DENND4C: variants seen among roughly 807,000 people sequenced by gnomAD.
DENND4C encodes DENN domain containing 4C.
Under a neutral mutation model 203.0 loss-of-function variants are expected in DENND4C, and 108 were observed. The ratio of observed to expected loss-of-function variants is 0.53; its 90% CI spans 0.46 to 0.62. The LOEUF (loss-of-function observed/expected upper bound fraction) is 0.62, where lower values mean the gene tolerates loss of function less well. DENND4C is among the 20% of genes least tolerant of loss of function. The pLI is 0.00. For synonymous variants in DENND4C, 871 were observed against 792.4 expected (o/e 1.10, Z -1.67); for missense variants, 2,481 against 2,301.2 (o/e 1.08, Z -1.60).
At chr9:19,335,135 G>A in intron 18 of DENND4C, 30 bp downstream of exon 18, 1 of 1,453,972 alleles carries the variant, frequency 6.9e-7, no homozygotes, top group Non-Finnish European at 9.1e-7. Context: ...GGCAAGATGT[G>A]GTGTTTATTA....
At chr9:19,242,903 C>T (rs1208144574) in intron 1 of DENND4C, among the ~76,000 whole-genome samples, 1 of 152,150 alleles carries the variant, frequency 6.6e-6, no homozygotes, top group East Asian at 1.9e-4. Context: ...ATCCACCTGC[C>T]TCAGCTTCCC....
Position 19,286,912 on chromosome 9 carries a change from G to A in DENND4C, c.449G>A (p.Arg150Gln), listed in dbSNP as rs1835317412. Residue 150 changes from arginine to glutamine, a missense_variant, in exon 3 of 33, where the codon CGA becomes CAA. Coordinates refer to ENST00000434457, the MANE Select transcript of DENND4C (RefSeq NM_001330640.2). ...FITYRRAPPVRPQNSLAVTDI... is the reference protein window; with the variant it reads ...FITYRRAPPVQPQNSLAVTDI... ...ACTTATCGAAGGGCTCCTCCAGTTCGACCCCAGAATTCCTTGGCTGTAACT... is the reference window on the plus strand; with the variant it reads ...ACTTATCGAAGGGCTCCTCCAGTTCAACCCCAGAATTCCTTGGCTGTAACT... 9.7e-6 allele frequency: 12 copies of A among 1,231,886 alleles called. No individual in the cohort carries two copies. The highest frequency in any genetic ancestry group is 1.2e-5 in the Non-Finnish European group (12 of 987,942). The allele number at this position is 1,231,886 out of a possible 1,614,324, so 76.3% of individuals were successfully genotyped here. A position where few individuals can be genotyped will look rare whatever the true frequency, so the allele number is the denominator to read the frequency against.
intron 1 of DENND4C, among the ~76,000 whole-genome samples, chr9:19,257,611 CA>C (rs1370891442): frequency 2.0e-5 from 3 of 151,786 alleles, no homozygotes; most frequent in African/African-American, 7.3e-5. Flanking sequence ...TCAATGAAAC[CA>C]AATGTGATTT....
At position 19,247,867 on chromosome 9, in the gene DENND4C, C is replaced by T. The variant is rs144032334; in HGVS notation, c.-18+17034C>T. Among the ~76,000 whole-genome samples the T allele has an allele frequency of 2.6e-3, 389 of 152,288 alleles. 1 individual carries two copies. Among genetic ancestry groups the T allele is most frequent in the African/African-American group, 9.2e-3 (382 of 41,548 alleles). Reference sequence around the variant, plus strand: ...AGCCACAAGCTGGAAATCATACTTGCTTTCTCTTTTTTCCCCTTTTACTTC... The same window carrying T: ...AGCCACAAGCTGGAAATCATACTTGTTTTCTCTTTTTTCCCCTTTTACTTC... On this transcript the variant is annotated intron_variant, in intron 1 of 32. Coordinates refer to ENST00000434457, the MANE Select transcript of DENND4C (RefSeq NM_001330640.2).
At chr9:19,317,270 C>T (rs545149178) in intron 12 of DENND4C, among the ~76,000 whole-genome samples, 7 of 151,030 alleles carry the variant, frequency 4.6e-5, no homozygotes, top group Non-Finnish European at 7.4e-5. Flanking sequence ...ATCCTCCTCC[C>T]TGGCTTTCCA....
chr9:19,336,085 T>C (rs774372455), intron 18 of DENND4C, among the ~76,000 whole-genome samples, 185 bp from the exon 19 acceptor site: 14 of 152,148 alleles, frequency 9.2e-5, no homozygotes, highest in Non-Finnish European at 1.6e-4. Context: ...TATCTCATTG[T>C]AGTCTTAATT....
intron 17 of DENND4C, among the ~76,000 whole-genome samples, chr9:19,334,331 A>G (rs1240159823): frequency 2.0e-5 from 3 of 152,002 alleles, no homozygotes; most frequent in Admixed American, 1.3e-4. Context: ...GATTACAGGC[A>G]TGAGCTACTG....
intron 5 of DENND4C, among the ~76,000 whole-genome samples, chr9:19,295,241 G>T (rs1184215180): frequency 1.3e-5 from 2 of 151,846 alleles, no homozygotes; most frequent in African/African-American, 4.8e-5. Flanking sequence ...GCGCAGTGGC[G>T]CACGCCGTAA....
Position 19,371,803 on chromosome 9 carries a change from G to A in DENND4C, c.5723G>A (p.Arg1908Lys), listed in dbSNP as rs1310370861. Residue 1908 changes from arginine to lysine, a missense_variant, in exon 32 of 33, where the codon AGA becomes AAA. Coordinates refer to ENST00000434457, the MANE Select transcript of DENND4C (RefSeq NM_001330640.2). ...ILFLSLVSLG[R>K]ENIDIEAFDN... Reference sequence around the variant, plus strand: ...TTCTTATCATTAGTGTCTCTAGGAAGAGAGAATATTGATATTGGTAAGTTG... The same window carrying A: ...TTCTTATCATTAGTGTCTCTAGGAAAAGAGAATATTGATATTGGTAAGTTG... 1.4e-6 allele frequency: 2 copies of A among 1,456,194 alleles called. No individual in the cohort carries two copies. Among genetic ancestry groups the A allele is most frequent in the Non-Finnish European group, 9.5e-7 (1 of 1,049,538 alleles). The allele number at this position is 1,456,194 out of a possible 1,614,324, so 90.2% of individuals were successfully genotyped here.
chr9:19,341,204 T>G, intron 21 of DENND4C, 90 bp downstream of exon 21: 5 of 1,104,784 alleles, frequency 4.5e-6, no homozygotes, highest in South Asian at 2.0e-5. Context: ...CTTTGATGAT[T>G]ATTTTCACAA....
intron 9 of DENND4C, among the ~76,000 whole-genome samples, chr9:19,301,475 A>G (rs1838565562): frequency 6.6e-6 from 1 of 152,220 alleles, no homozygotes; most frequent in Non-Finnish European, 1.5e-5. Flanking sequence ...CAAGATCTTA[A>G]TCTGGTTGAA....
intron 1 of DENND4C, among the ~76,000 whole-genome samples, chr9:19,256,930 C>T (rs1055055146): frequency 4.6e-5 from 7 of 151,606 alleles, no homozygotes; most frequent in Non-Finnish European, 8.8e-5. Context: ...ATTAGCCGGG[C>T]GTGGTGGCAG....
Position 19,346,950 on chromosome 9 carries a change from T to C in DENND4C, c.4181T>C (p.Leu1394Ser). The change falls in exon 23 of 33, where the codon TTG becomes TCG. Residue 1394 changes from leucine (L) to serine (S), a missense_variant. By Grantham distance (145) the Leu-to-Ser change is moderately radical (BLOSUM62 -2). This residue lies in a region of DENND4C where 2,289 missense variants were observed against 2,113.3 expected (regional missense o/e 1.08). Transcript: ENST00000434457. Reference protein sequence around the residue: ...HGSLGSVVNSLSGLKLDNILS... With the variant: ...HGSLGSVVNSSSGLKLDNILS... Reference sequence around the variant, plus strand: ...TCGTTGGGTTCTGTAGTAAATTCTTTGTCAGGGCTAAAGCTGGATAATATA... The same window carrying C: ...TCGTTGGGTTCTGTAGTAAATTCTTCGTCAGGGCTAAAGCTGGATAATATA... The C allele has an allele frequency of 6.2e-7, 1 of 1,614,216 alleles. No homozygotes were observed. Among genetic ancestry groups the C allele is most frequent in the African/African-American group, 1.3e-5 (1 of 75,062 alleles).
chr9:19,330,520 A>G (rs958204225), intron 16 of DENND4C, among the ~76,000 whole-genome samples: 4 of 151,726 alleles, frequency 2.6e-5, no homozygotes, highest in Non-Finnish European at 5.9e-5. Context: ...TTGTATTTTT[A>G]GTAGAGACAG....
chr9:19,279,802 C>T (rs1472398410), intron 2 of DENND4C, among the ~76,000 whole-genome samples: 1 of 152,046 alleles, frequency 6.6e-6, no homozygotes, highest in South Asian at 2.1e-4. Context: ...CACTGTAGCA[C>T]TCCAGCGTGG....
chr9:19,350,595 A>G (rs1823869827), intron 23 of DENND4C, 107 bp from the exon 24 acceptor site: 1 of 900,818 alleles, frequency 1.1e-6, no homozygotes, highest in Non-Finnish European at 1.6e-6. Flanking sequence ...GGGGATGATG[A>G]TTTGTTTAAG....
In DENND4C at chr9:19,328,023, A is replaced by G; in HGVS notation, c.2121-7A>G. ...AATCAGCAGTTCTATTTTTTTTTTT[A>G]TTTTAGTTACAAATACTTTCCAAGA... On this transcript the variant is annotated splice_region_variant and splice_polypyrimidine_tract_variant and intron_variant, in intron 15 of 32. Coordinates refer to ENST00000434457, the MANE Select transcript of DENND4C (RefSeq NM_001330640.2). 6.4e-7 allele frequency: 1 copy of G among 1,567,426 alleles called. No homozygotes were observed.
At chr9:19,300,160 A>G (rs1405607607) in intron 8 of DENND4C, 27 bp from the exon 9 acceptor site, 9 of 1,574,958 alleles carry the variant, frequency 5.7e-6, no homozygotes, top group Non-Finnish European at 7.8e-6. Flanking sequence ...GTTCACAATG[A>G]TCTACTTTTC....
intron 5 of DENND4C, 32 bp from the exon 6 acceptor site, chr9:19,295,976 A>C: frequency 6.6e-7 from 1 of 1,510,208 alleles, no homozygotes; most frequent in Non-Finnish European, 9.1e-7. Context: ...AAACAAACTC[A>C]AATCTTATAA....
Sources: allele counts gnomAD v4.1 joint callset (sites outside exome capture counted in the v4.1 genomes callset), GRCh38; gene constraint gnomAD v4.1.1; regional missense constraint gnomAD v4.1.1; transcripts MANE v1.5; gene names NCBI Gene and HGNC (gene_info 2026-07-23, HGNC 2026-07-21).